WDR62: variants seen among roughly 807,000 people sequenced by gnomAD.
WDR62 encodes the protein WD repeat domain 62, also known as WD repeat-containing protein 62.
In WDR62, 112 loss-of-function variants were observed where a neutral mutation model predicts 160.6. That is an observed-to-expected ratio of 0.70 (90% CI 0.60 to 0.82). The LOEUF (loss-of-function observed/expected upper bound fraction) is 0.82. Ranked by LOEUF, WDR62 falls within the 40% of genes least tolerant of loss-of-function variation. The probability of loss-of-function intolerance (pLI) is 0.00; values close to 1 mark genes in which losing one functional copy is unlikely to be tolerated. For synonymous variants in WDR62, 792 were observed against 815.1 expected (o/e 0.97, Z 0.48); for missense variants, 1,819 against 1,983.8 (o/e 0.92, Z 1.58).
chr19:36,059,096 G>C (rs1295298187), intron 2 of WDR62: 2 of 681,954 alleles, frequency 2.9e-6, no homozygotes, highest in Non-Finnish European at 5.5e-6. Flanking sequence ...TGACTACAGG[G>C]GGGAGGTGAC....
rs1346250423 is a variant in WDR62, at chr19:36,073,735, T to G, written c.1233+204T>G. 5.0e-5 allele frequency: 33 copies of G among 660,570 alleles called. 1 individual carries two copies. In the Admixed American group the frequency reaches 6.8e-4, roughly 14 times the overall value. 40.9% of individuals were successfully genotyped at this position (660,570 alleles called of 1,614,324 possible). ...GGATGGGAAAGGAAACCTGGAAACA[T>G]CATCAGTGAATAACACGCCAAGCAG... On this transcript the variant is annotated intron_variant, in intron 9 of 31. Coordinates refer to ENST00000401500, the MANE Select transcript of WDR62 (RefSeq NM_001083961.2).
the WDR62 span, among the ~76,000 whole-genome samples, chr19:36,110,209 G>A: frequency 6.6e-6 from 1 of 152,098 alleles, no homozygotes; most frequent in East Asian, 1.9e-4. Flanking sequence ...GGTGGCTCAT[G>A]CCTGTAATCC....
In WDR62 at chr19:36,103,894, C is replaced by G. The variant is rs1416326403; in HGVS notation, c.4066C>G (p.Leu1356Val). The change falls in exon 30 of 32, where the codon CTT becomes GTT. Residue 1356 changes from leucine (L) to valine (V), a missense_variant. Around this residue, in one of 3 missense-constraint regions of WDR62, gnomAD observed 770 missense variants for 734.2 expected, o/e 1.05. Coordinates refer to ENST00000401500, the MANE Select transcript of WDR62 (RefSeq NM_001083961.2). ...PSLPAPESPG[L>V]PAHPSNPQLP... ...TCTCCCAGCTCCTGAGTCCCCTGGC[C>G]TTCCTGCCCACCCCAGTAACCCCCA... 2 of 1,599,944 alleles carry G rather than the reference C, an allele frequency of 1.3e-6. No homozygotes were observed. Among genetic ancestry groups the G allele is most frequent in the Non-Finnish European group, 1.7e-6 (2 of 1,179,942 alleles).
intron 5 of WDR62, 132 bp from the exon 6 acceptor site, chr19:36,067,174 C>T (rs1294613623): frequency 2.5e-6 from 3 of 1,201,452 alleles, no homozygotes; most frequent in Non-Finnish European, 3.6e-6. Context: ...CCCCATACAG[C>T]AGCTCCCTGG....
chr19:36,058,665 A>G (rs1970486539), intron 1 of WDR62, 115 bp from the exon 2 acceptor site: 1 of 775,154 alleles, frequency 1.3e-6, no homozygotes, highest in African/African-American at 1.7e-5. Context: ...TGGCGTGGCC[A>G]CAGAAGCTCA....
rs562670595 is a variant in WDR62 at position 36,055,070 on chromosome 19, C to T, written c.99C>T (p.Ser33=). Residue 33 remains serine, a synonymous_variant, in exon 1 of 32, where the codon TCC becomes TCT. Coordinates refer to ENST00000401500, the MANE Select transcript of WDR62 (RefSeq NM_001083961.2). Reference sequence around the variant, plus strand: ...TTCCGGCGCGGAGGGGCCAGTCCTCCCCGCCCCCCGCCCCACCAATCTGCC... The same window carrying T: ...TTCCGGCGCGGAGGGGCCAGTCCTCTCCGCCCCCCGCCCCACCAATCTGCC... ...AGVPARRGQS[S]PPPAPPICLR... is the part of the protein sequence containing the mutation. 6 of 1,594,686 alleles carry T rather than the reference C, an allele frequency of 3.8e-6. No individual in the cohort carries two copies. The highest frequency in any genetic ancestry group is 5.1e-6 in the Non-Finnish European group (6 of 1,171,974).
chr19:36,101,664 A>T lies in WDR62; in HGVS notation c.2972A>T (p.Asp991Val), dbSNP rs749528768. 9.4e-5 allele frequency: 145 copies of T among 1,550,184 alleles called. No individual in the cohort carries two copies. The Middle Eastern group carries it at 1.9e-3, about 20-fold the overall frequency. ...TCCTGACCCCGACTCTGTCCTTCAG[A>T]CTCGGGGGAGTCAGAGGCCGACCTG... is the stretch of plus-strand genomic sequence containing the variant. ...DSPKDQSPPE[D>V]SGESEADLEC... Residue 991 changes from aspartate to valine, a missense_variant and splice_region_variant, in exon 25 of 32, where the codon GAC (aspartate) becomes GTC (valine). Physicochemically the swap from Asp to Val is radical, Grantham distance 152. This residue lies in a region of WDR62 where 770 missense variants were observed against 734.2 expected (regional missense o/e 1.05). Coordinates refer to ENST00000401500, the MANE Select transcript of WDR62 (RefSeq NM_001083961.2).
At chr19:36,088,597 G>T (rs1262031035) in intron 13 of WDR62, among the ~76,000 whole-genome samples, 2 of 152,216 alleles carry the variant, frequency 1.3e-5, no homozygotes, top group African/African-American at 4.8e-5. Flanking sequence ...AGTGGGATGG[G>T]TGGTGAGCAT....
intron 9 of WDR62, among the ~76,000 whole-genome samples, chr19:36,076,973 G>A (rs965356843): frequency 2.0e-5 from 3 of 151,882 alleles, no homozygotes; most frequent in African/African-American, 4.9e-5. Context: ...GTATGTGTGT[G>A]TGTGTATATA....
chr19:36,101,416 G>C (rs1386489156), intron 24 of WDR62, 99 bp downstream of exon 24: 16 of 1,121,898 alleles, frequency 1.4e-5, no homozygotes, highest in Non-Finnish European at 2.1e-5. Context: ...CTGAAGCTCA[G>C]AGTCTGTCGA....
chr19:36,055,240 C>T, intron 1 of WDR62, 92 bp downstream of exon 1: 1 of 1,415,170 alleles, frequency 7.1e-7, no homozygotes, highest in Non-Finnish European at 9.7e-7. Context: ...ACATCAGCCC[C>T]CGGCCAGTCC....
chr19:36,082,098 C>T (rs137881565), intron 10 of WDR62, among the ~76,000 whole-genome samples: 2,021 of 152,336 alleles, frequency 0.013, 24 homozygotes, highest in Middle Eastern at 0.02. Context: ...TCTGCAGACA[C>T]TTATTAACGT....
Position 36,099,581 on chromosome 19 carries a change from A to C in WDR62, c.2703A>C (p.Ser901=), listed in dbSNP as rs1276149226. 6.2e-6 allele frequency: 10 copies of C among 1,614,204 alleles called. No individual in the cohort carries two copies. Among genetic ancestry groups the C allele is most frequent in the Non-Finnish European group, 8.5e-6 (10 of 1,180,028 alleles). ...PESLENSILD[S]LEPQSLASLL... ...GTCTGGAGAACTCCATTCTGGATTC[A>C]CTGGAGCCACAGAGCCTGGCCAGCC... Residue 901 remains serine (S), a synonymous_variant, in exon 22 of 32, where the codon TCA becomes TCC. Coordinates refer to ENST00000401500, the MANE Select transcript of WDR62 (RefSeq NM_001083961.2).
At chr19:36,098,240 T>C (rs7250364) in intron 21 of WDR62, among the ~76,000 whole-genome samples, 113,193 of 151,236 alleles carry the variant, frequency 0.75, 42,655 homozygotes, top group African/African-American at 0.82. Context: ...CCAGCTTGGA[T>C]GGCAGAACGA....
chr19:36,076,766 G>T (rs1409433979), intron 9 of WDR62, among the ~76,000 whole-genome samples: 1 of 152,080 alleles, frequency 6.6e-6, no homozygotes, highest in African/African-American at 2.4e-5. Flanking sequence ...ACATGCAACA[G>T]TCTGAGAATG....
rs755147235 is a variant in WDR62 at position 36,066,292 on chromosome 19, G to A, written c.426G>A (p.Val142=). 1 of 1,614,206 alleles carries A rather than the reference G, an allele frequency of 6.2e-7. No homozygotes were observed. The highest frequency in any genetic ancestry group is 8.5e-7 in the Non-Finnish European group (1 of 1,180,024). ...GGCCTGCTGTGCGCATCTGGGATGT[G>A]GAGGAGAAGAATCAGGTGGCGGAGA... ...GHRPAVRIWD[V]EEKNQVAEML... Residue 142 remains valine, a synonymous_variant, in exon 5 of 32, where the codon GTG becomes GTA. Transcript: ENST00000401500.
rs761202940 is a variant in WDR62, at chr19:36,086,753, A to G, written c.1709A>G (p.Tyr570Cys). Residue 570 changes from tyrosine to cysteine, a missense_variant, in exon 13 of 32, where the codon TAC becomes TGC. Tyr to Cys is a radical substitution (Grantham distance 194, BLOSUM62 -2). This residue lies in a region of WDR62 where 934 missense variants were observed against 1,157.2 expected (regional missense o/e 0.81). Coordinates refer to ENST00000401500, the MANE Select transcript of WDR62 (RefSeq NM_001083961.2). The part of the protein sequence containing the change: ...LIHVLNVEKN[Y>C]NLEQTLDDHS... ...CATGTGCTGAACGTGGAGAAGAACTACAACCTGGAGCAGACGCTGGATGAC... is the reference window on the plus strand; with the variant it reads ...CATGTGCTGAACGTGGAGAAGAACTGCAACCTGGAGCAGACGCTGGATGAC... The G allele has an allele frequency of 2.0e-5, 32 of 1,608,208 alleles. No homozygotes were observed. The East Asian group carries it at 4.7e-4, about 24-fold the overall frequency.
At chr19:36,071,486 T>C in intron 7 of WDR62, 70 bp from the exon 8 acceptor site, 1 of 1,594,358 alleles carries the variant, frequency 6.3e-7, no homozygotes, top group Non-Finnish European at 8.6e-7. Context: ...GGCTGCTCTG[T>C]CAGTCCCCAT....
At position 36,078,133 on chromosome 19, in the gene WDR62, T is replaced by C. The variant is rs369242803; in HGVS notation, c.1234-3300T>C. 4.5e-4 allele frequency among the ~76,000 whole-genome samples: 68 copies of C among 152,066 alleles called. No individual in the cohort carries two copies. The South Asian group carries it at 0.014, about 31-fold the overall frequency. On this transcript the variant is annotated intron_variant, in intron 9 of 31. Coordinates refer to ENST00000401500, the MANE Select transcript of WDR62 (RefSeq NM_001083961.2). Reference sequence around the variant, plus strand: ...GTTGCGAATACCACTGCTATGAACATGTAAGTACAAGTTTTTTTGTTTTTT... The same window carrying C: ...GTTGCGAATACCACTGCTATGAACACGTAAGTACAAGTTTTTTTGTTTTTT...
Sources: allele counts gnomAD v4.1 joint callset (sites outside exome capture counted in the v4.1 genomes callset), GRCh38; gene constraint gnomAD v4.1.1; regional missense constraint gnomAD v4.1.1; transcripts MANE v1.5; gene names NCBI Gene and HGNC (gene_info 2026-07-23, HGNC 2026-07-21).